LRMDA: variants seen among roughly 807,000 people sequenced by gnomAD.
LRMDA encodes leucine-rich melanocyte differentiation-associated protein.
LRMDA carries 18 observed loss-of-function variants against 29.8 expected under a neutral mutation model. The ratio of observed to expected loss-of-function variants is 0.60; its 90% CI spans 0.42 to 0.90. LRMDA has a LOEUF of 0.90. LRMDA is among the 40% of genes least tolerant of loss of function. The pLI, the probability that LRMDA is intolerant of heterozygous loss-of-function variation, is 0.00. For missense variants in LRMDA, 273 were observed against 273.9 expected, an observed-to-expected ratio of 1.00 and a Z score of 0.02; for synonymous variants, 125 against 109.4, an observed-to-expected ratio of 1.14 and a Z score of -0.89.
At chr10:76,134,344 C>T (rs1850055452) in intron 5 of LRMDA, among the ~76,000 whole-genome samples, 1 of 152,112 alleles carries the variant, frequency 6.6e-6, no homozygotes, top group African/African-American at 2.4e-5. Flanking sequence ...GGAATGAGAC[C>T]CAAATGTTTT....
At chr10:75,861,295 G>GGAGC (rs1844925246) in intron 2 of LRMDA, among the ~76,000 whole-genome samples, 1 of 152,214 alleles carries the variant, frequency 6.6e-6, no homozygotes, top group South Asian at 2.1e-4. Flanking sequence ...GAGAATTGTT[G>GGAGC]GAGCGTGATT....
At chr10:76,162,387 C>T (rs887722870) in intron 5 of LRMDA, among the ~76,000 whole-genome samples, 4 of 152,166 alleles carry the variant, frequency 2.6e-5, no homozygotes, top group Admixed American at 1.3e-4. Context: ...CTCTTTGATC[C>T]TGTATTAGTC....
chr10:76,420,596 A>G (rs189879707), intron 6 of LRMDA, among the ~76,000 whole-genome samples: 102 of 151,398 alleles, frequency 6.7e-4, no homozygotes, highest in African/African-American at 2.4e-3. Flanking sequence ...CTGTTCCTTA[A>G]TTTCTTAGGA....
intron 2 of LRMDA, among the ~76,000 whole-genome samples, chr10:75,856,247 G>A (rs983374393): frequency 4.9e-4 from 75 of 152,150 alleles, no homozygotes; most frequent in African/African-American, 1.6e-3. Context: ...TCATTGAGCA[G>A]TGGTTTGTAG....
At chr10:75,688,410 G>T (rs1842107551) in intron 2 of LRMDA, among the ~76,000 whole-genome samples, 1 of 152,214 alleles carries the variant, frequency 6.6e-6, no homozygotes, top group Non-Finnish European at 1.5e-5. Flanking sequence ...TGCAGATGTG[G>T]CAGAAATAGC....
chr10:76,159,104 A>G (rs1365977003), intron 5 of LRMDA, among the ~76,000 whole-genome samples: 1 of 152,184 alleles, frequency 6.6e-6, no homozygotes, highest in Non-Finnish European at 1.5e-5. Flanking sequence ...GAACTTTAAA[A>G]ACTGATTCGT....
At chr10:76,437,916 G>A (rs914228625) in intron 6 of LRMDA, among the ~76,000 whole-genome samples, 1 of 152,166 alleles carries the variant, frequency 6.6e-6, no homozygotes, top group Non-Finnish European at 1.5e-5. Context: ...CCATAAGGTA[G>A]GTTGTATCAC....
At chr10:76,307,436 G>C (rs1840571690) in intron 5 of LRMDA, among the ~76,000 whole-genome samples, 1 of 152,154 alleles carries the variant, frequency 6.6e-6, no homozygotes, top group East Asian at 1.9e-4. Context: ...GAGGTCGTCT[G>C]CTTTCGAAGG....
chr10:75,655,559 G>T (rs1251108145), intron 2 of LRMDA, among the ~76,000 whole-genome samples: 1 of 152,202 alleles, frequency 6.6e-6, no homozygotes, highest in African/African-American at 2.4e-5. Flanking sequence ...GCTGTAGTCT[G>T]GGAGAGTCAG....
chr10:76,415,801 A>G (rs536845561), intron 6 of LRMDA, among the ~76,000 whole-genome samples: 1 of 152,252 alleles, frequency 6.6e-6, no homozygotes, highest in African/African-American at 2.4e-5. Context: ...AGCCTGCCAC[A>G]TGTTCCTGTG....
intron 6 of LRMDA, among the ~76,000 whole-genome samples, chr10:76,375,740 CGG>C (rs1841509476): frequency 6.9e-5 from 7 of 101,152 alleles, no homozygotes; most frequent in Admixed American, 6.9e-4. Context: ...TTTTTTTTTT[CGG>C]GGGGAGAGGA....
chr10:75,976,727 A>C (rs888875607), intron 2 of LRMDA, among the ~76,000 whole-genome samples: 1 of 152,132 alleles, frequency 6.6e-6, no homozygotes, highest in Admixed American at 6.5e-5. Context: ...TATTATTCCC[A>C]TTTTACTGAT....
chr10:75,633,341 C>T (rs989286070), intron 2 of LRMDA, among the ~76,000 whole-genome samples: 12 of 152,280 alleles, frequency 7.9e-5, no homozygotes, highest in African/African-American at 2.4e-4. Flanking sequence ...TAAGTGAAGA[C>T]GTTGTTACTG....
At chr10:76,119,024 G>A (rs1377278154) in intron 5 of LRMDA, among the ~76,000 whole-genome samples, 1 of 151,940 alleles carries the variant, frequency 6.6e-6, no homozygotes, top group East Asian at 1.9e-4. Flanking sequence ...CTGATAATAT[G>A]ACACAAATTT....
intron 5 of LRMDA, among the ~76,000 whole-genome samples, chr10:76,290,175 A>G (rs960809408): frequency 1.3e-5 from 2 of 152,148 alleles, no homozygotes; most frequent in Admixed American, 1.3e-4. Flanking sequence ...CCCAAACTTT[A>G]TTGTTACAAT....
At chr10:75,760,547 A>G (rs1314789038) in intron 2 of LRMDA, among the ~76,000 whole-genome samples, 1 of 152,182 alleles carries the variant, frequency 6.6e-6, no homozygotes, top group Non-Finnish European at 1.5e-5. Context: ...AGGTATTGAT[A>G]TTCGAATAGT....
intron 5 of LRMDA, among the ~76,000 whole-genome samples, chr10:76,307,994 C>T (rs114094924): frequency 2.0e-3 from 307 of 152,222 alleles, no homozygotes; most frequent in African/African-American, 6.9e-3. Flanking sequence ...TACAACTTAC[C>T]CTGGAAATGT....
At chr10:75,642,078 G>A (rs567080908) in intron 2 of LRMDA, among the ~76,000 whole-genome samples, 21 of 152,268 alleles carry the variant, frequency 1.4e-4, no homozygotes, top group African/African-American at 4.8e-4. Context: ...AGACCATTAC[G>A]TTGGGTTCTG....
At chr10:75,812,403 C>T (rs762144540) in intron 2 of LRMDA, among the ~76,000 whole-genome samples, 88 of 152,074 alleles carry the variant, frequency 5.8e-4, no homozygotes, top group Middle Eastern at 6.8e-3. Context: ...TACATATTTA[C>T]GATTGTGTGT....
Sources: gnomAD v4.1 joint callset for allele counts (sites outside exome capture counted in the v4.1 genomes callset) on GRCh38, gnomAD v4.1.1 for gene constraint, MANE v1.5 for transcripts, NCBI Gene and HGNC (gene_info 2026-07-23, HGNC 2026-07-21) for gene names.